ING2: variants seen among roughly 807,000 people sequenced by gnomAD.
ING2 encodes the protein inhibitor of growth protein 2.
A neutral mutation model predicts 30.6 loss-of-function variants in ING2; 7 were observed. The observed-to-expected ratio is 0.23, with a 90% CI of 0.13 to 0.43. The LOEUF (loss-of-function observed/expected upper bound fraction) is 0.43, where lower values mean the gene tolerates loss of function less well. ING2 is among the 20% of genes least tolerant of loss of function. The pLI, the probability that ING2 is intolerant of heterozygous loss-of-function variation, is 1.00. For missense variants in ING2, 239 were observed against 334.9 expected (o/e 0.71, Z 2.24); for synonymous variants, 136 against 121.7 (o/e 1.12, Z -0.78).
chr4:183,505,107 G>C lies in ING2; in HGVS notation c.-89G>C. ...GGCTGCGGGGTCCCCGCGGCGCCGG[G>C]CTGCTGAGCTGAGGGCCCGCGGCGG... On this transcript the variant is annotated 5_prime_UTR_variant, in exon 1 of 2. Coordinates refer to ENST00000302327, the MANE Select transcript of ING2 (RefSeq NM_001564.4). 1.6e-6 allele frequency: 2 copies of C among 1,290,036 alleles called. No individual in the cohort carries two copies. The highest frequency in any genetic ancestry group is 3.3e-5 in the East Asian group (1 of 30,588). 79.9% of individuals were successfully genotyped at this position (1,290,036 alleles called of 1,614,324 possible). A position where few individuals can be genotyped will look rare whatever the true frequency, so the allele number is the denominator to read the frequency against.
rs1466485064 is a variant in ING2 at position 183,510,576 on chromosome 4, GGAC to G, written c.468_470del (p.Thr157del). 6 of 1,614,020 alleles carry G rather than the reference GGAC, an allele frequency of 3.7e-6. No individual in the cohort carries two copies. The highest frequency in any genetic ancestry group is 5.1e-6 in the Non-Finnish European group (6 of 1,180,038). On this transcript the variant is annotated inframe_deletion, in exon 2 of 2. Transcript: ENST00000302327. ...TCTTCAAGAAGACCCCGCAGGCAGC[GGAC>G]CAGTGAAAGCCGTGATTTATGTCAC...
At chr4:183,506,485 A>G (rs1366715802) in intron 1 of ING2, among the ~76,000 whole-genome samples, 1 of 152,186 alleles carries the variant, frequency 6.6e-6, no homozygotes, top group Non-Finnish European at 1.5e-5. Context: ...GACCTTCCTT[A>G]CAGTGTTACC....
At position 183,510,812 on chromosome 4, in the gene ING2, A is replaced by G. The variant is rs775152761; in HGVS notation, c.703A>G (p.Ile235Val). The change falls in exon 2 of 2, where the codon ATT (isoleucine) becomes GTT (valine). Residue 235 changes from isoleucine (I) to valine (V), a missense_variant. Transcript: ENST00000302327. ...MIGCDNEQCP[I>V]EWFHFSCVSL... ...AGGATGTGACAATGAACAGTGTCCAATTGAATGGTTTCACTTTTCATGTGT... is the reference window on the plus strand; with the variant it reads ...AGGATGTGACAATGAACAGTGTCCAGTTGAATGGTTTCACTTTTCATGTGT... The G allele has an allele frequency of 4.3e-6, 7 of 1,614,214 alleles. No individual in the cohort carries two copies. Among genetic ancestry groups the G allele is most frequent in the Admixed American group, 1.7e-5 (1 of 60,028 alleles).
rs1339693481 is a variant in ING2, at chr4:183,512,089, C to G, written c.*1137C>G. Among the ~76,000 whole-genome samples the G allele has an allele frequency of 6.6e-6, 1 of 152,052 alleles. No individual in the cohort carries two copies. Among genetic ancestry groups the G allele is most frequent in the Non-Finnish European group, 1.5e-5 (1 of 68,012 alleles). ...GGTAAGCATCTTGATGGATATATGTCCATATGTTTAGAGAAGGTTTTGGTT... is the reference window on the plus strand; with the variant it reads ...GGTAAGCATCTTGATGGATATATGTGCATATGTTTAGAGAAGGTTTTGGTT... On this transcript the variant is annotated 3_prime_UTR_variant, in exon 2 of 2. Transcript: ENST00000302327.
In ING2 at chr4:183,511,243, T is replaced by G. The variant is rs536564625; in HGVS notation, c.*291T>G. 1 of 229,906 alleles carries G rather than the reference T, an allele frequency of 4.3e-6. No homozygotes were observed. Among genetic ancestry groups the G allele is most frequent in the East Asian group, 9.0e-5 (1 of 11,106 alleles). 14.2% of individuals were successfully genotyped at this position (229,906 alleles called of 1,614,324 possible). ...AAACCATGCCTATTTCATTTTCACT[T>G]AAAACTGCAATGTTATTTTTTGGGT... On this transcript the variant is annotated 3_prime_UTR_variant, in exon 2 of 2. Transcript: ENST00000302327.
Position 183,511,531 on chromosome 4 carries a change from T to G in ING2, c.*579T>G, listed in dbSNP as rs947616045. Reference sequence around the variant, plus strand: ...TATGAGAGTACGTGCTGCTGTCTTTTGCTTAGTAGCATTTTGATCCACTGT... The same window carrying G: ...TATGAGAGTACGTGCTGCTGTCTTTGGCTTAGTAGCATTTTGATCCACTGT... On this transcript the variant is annotated 3_prime_UTR_variant, in exon 2 of 2. Coordinates refer to ENST00000302327, the MANE Select transcript of ING2 (RefSeq NM_001564.4). 1.2e-4 allele frequency among the ~76,000 whole-genome samples: 18 copies of G among 152,242 alleles called. No homozygotes were observed. The highest frequency in any genetic ancestry group is 4.3e-4 in the African/African-American group (18 of 41,466).
At chr4:183,509,514 C>G (rs761930893) in intron 1 of ING2, among the ~76,000 whole-genome samples, 1 of 151,008 alleles carries the variant, frequency 6.6e-6, no homozygotes, top group Non-Finnish European at 1.5e-5. Flanking sequence ...GGCGCGATCT[C>G]GGCTCACTGC....
In ING2 at chr4:183,510,591, G is replaced by A. The variant is rs541098829; in HGVS notation, c.482G>A (p.Arg161His). The change falls in exon 2 of 2, where the codon CGT becomes CAT. Residue 161 changes from arginine (R) to histidine (H), a missense_variant. This residue lies in a region of ING2 where 115 missense variants were observed against 120.1 expected (regional missense o/e 0.96). Transcript: ENST00000302327. Reference protein sequence around the residue: ...RPRRQRTSESRDLCHMANGIE... With the variant: ...RPRRQRTSESHDLCHMANGIE... ...CGCAGGCAGCGGACCAGTGAAAGCC[G>A]TGATTTATGTCACATGGCAAATGGG... 3 of 1,614,074 alleles carry A rather than the reference G, an allele frequency of 1.9e-6. No homozygotes were observed. The highest frequency in any genetic ancestry group is 2.2e-5 in the South Asian group (2 of 91,088).
At chr4:183,510,198 C>A in intron 1 of ING2, 84 bp from the exon 2 acceptor site, 1 of 1,016,146 alleles carries the variant, frequency 9.8e-7, no homozygotes, top group Non-Finnish European at 1.5e-6. Flanking sequence ...GTTCTAATTT[C>A]AATTCTGTAA....
At chr4:183,506,052 G>C in intron 1 of ING2, 1 of 1,115,110 alleles carries the variant, frequency 9.0e-7, no homozygotes, top group Non-Finnish European at 1.1e-6. Context: ...CCCCGCGCCG[G>C]GGGCGGGGCC....
intron 1 of ING2, among the ~76,000 whole-genome samples, chr4:183,505,919 G>T (rs947102430): frequency 6.6e-6 from 1 of 152,080 alleles, no homozygotes; most frequent in Non-Finnish European, 1.5e-5. Context: ...CCGCTCTCTC[G>T]CCCCGGGAAA....
chr4:183,506,900 A>G (rs1734662001), intron 1 of ING2, among the ~76,000 whole-genome samples: 1 of 152,212 alleles, frequency 6.6e-6, no homozygotes, highest in Non-Finnish European at 1.5e-5. Context: ...AATTCGATGT[A>G]GAATATTTGG....
chr4:183,508,014 G>A (rs1299188723), intron 1 of ING2, among the ~76,000 whole-genome samples: 2 of 151,916 alleles, frequency 1.3e-5, no homozygotes, highest in Non-Finnish European at 2.9e-5. Context: ...TTAATTTCAA[G>A]TGCCTTTCAT....
chr4:183,509,706 A>G (rs1467830806), intron 1 of ING2, among the ~76,000 whole-genome samples: 3 of 141,460 alleles, frequency 2.1e-5, no homozygotes, highest in African/African-American at 8.0e-5. Context: ...AAGTGCTGGG[A>G]TTACAAGCGT....
Position 183,506,977 on chromosome 4 carries a change from T to TC in ING2, c.172+1612dup, listed in dbSNP as rs34763624. Reference sequence around the variant, plus strand: ...ACAATTTAAGTTTTAATAAAAACTGTCCAAGGGGATTTCTACAGATATGGA... The same window carrying TC: ...ACAATTTAAGTTTTAATAAAAACTGTCCCAAGGGGATTTCTACAGATATGGA... On this transcript the variant is annotated intron_variant, in intron 1 of 1. Transcript: ENST00000302327. 4.1e-3 allele frequency among the ~76,000 whole-genome samples: 617 copies of TC among 152,344 alleles called. 4 individuals are homozygous for TC. Among genetic ancestry groups the TC allele is most frequent in the Non-Finnish European group, 6.5e-3 (444 of 68,032 alleles).
chr4:183,506,425 G>A (rs983286370), intron 1 of ING2: 4 of 821,288 alleles, frequency 4.9e-6, no homozygotes, highest in Non-Finnish European at 7.2e-6. Flanking sequence ...CTTTAAGTGT[G>A]GAGGCGAAAC....
chr4:183,507,548 CATT>C (rs1191514494), intron 1 of ING2, among the ~76,000 whole-genome samples: 1 of 152,148 alleles, frequency 6.6e-6, no homozygotes, highest in Non-Finnish European at 1.5e-5. Context: ...GCTCTGGTAA[CATT>C]AGTAATATAG....
Position 183,505,375 on chromosome 4 carries a change from C to T in ING2, c.172+8C>T, listed in dbSNP as rs1299114709. On this transcript the variant is annotated splice_region_variant and intron_variant, in intron 1 of 1. Coordinates refer to ENST00000302327, the MANE Select transcript of ING2 (RefSeq NM_001564.4). The stretch of plus-strand genomic sequence containing the variant: ...TGGACAACAAATATCAAGGTAGGAG[C>T]CGCGGGGCTGCCGGCCTCGGGAGCC... 5 of 1,518,928 alleles carry T rather than the reference C, an allele frequency of 3.3e-6. No homozygotes were observed. In the South Asian group the frequency reaches 6.1e-5, roughly 19 times the overall value. 94.1% of individuals were successfully genotyped at this position (1,518,928 alleles called of 1,614,324 possible). A position where few individuals can be genotyped will look rare whatever the true frequency, so the allele number is the denominator to read the frequency against.
chr4:183,509,783 G>A (rs1232302846), intron 1 of ING2, among the ~76,000 whole-genome samples: 1 of 139,154 alleles, frequency 7.2e-6, no homozygotes, highest in African/African-American at 2.8e-5. Context: ...GCCCAGACCG[G>A]AGTGCAGCGG....
Sources: allele counts gnomAD v4.1 joint callset (sites outside exome capture counted in the v4.1 genomes callset), GRCh38; gene constraint gnomAD v4.1.1; regional missense constraint gnomAD v4.1.1; transcripts MANE v1.5; gene names NCBI Gene and HGNC (gene_info 2026-07-23, HGNC 2026-07-21).